The following CSMD3 variants were observed in gnomAD, a reference collection of about 807,000 sequenced individuals.
The protein encoded by CSMD3 is CUB and Sushi multiple domains 3, also known as CUB and sushi domain-containing protein 3.
Under a neutral mutation model 435.2 loss-of-function variants are expected in CSMD3, and 177 were observed. The observed-to-expected ratio is 0.41, with a 90% CI of 0.36 to 0.46. The LOEUF is 0.46. Ranked by LOEUF, CSMD3 falls within the 20% of genes least tolerant of loss-of-function variation. The pLI, the probability that CSMD3 is intolerant of heterozygous loss-of-function variation, is 0.34. For synonymous variants in CSMD3, 1,656 were observed against 1,520.5 expected, an observed-to-expected ratio of 1.09 and a Z score of -2.07; for missense variants, 4,265 against 4,504.6, an observed-to-expected ratio of 0.95 and a Z score of 1.52.
chr8:112,647,522 G>C (rs960050288), intron 19 of CSMD3, among the ~76,000 whole-genome samples: 61 of 152,128 alleles, frequency 4.0e-4, no homozygotes, highest in Admixed American at 1.6e-3. Flanking sequence ...TAGCCAGGAT[G>C]GTCTCGATCT....
chr8:113,256,510 T>C (rs1300876275), intron 3 of CSMD3, among the ~76,000 whole-genome samples: 1 of 152,200 alleles, frequency 6.6e-6, no homozygotes, highest in Non-Finnish European at 1.5e-5. Context: ...AAGTTATAAC[T>C]GAGTTTCTTC....
chr8:113,213,333 C>T (rs1391350282), intron 3 of CSMD3, among the ~76,000 whole-genome samples: 1 of 152,066 alleles, frequency 6.6e-6, no homozygotes, highest in Non-Finnish European at 1.5e-5. Context: ...CCAGCATGAA[C>T]ACAGTGTAAT....
chr8:112,266,895 A>G (rs1342875342), intron 59 of CSMD3, among the ~76,000 whole-genome samples: 2 of 152,136 alleles, frequency 1.3e-5, no homozygotes, highest in Non-Finnish European at 2.9e-5. Context: ...GTTACACTTT[A>G]TTTTCTGGAG....
intron 9 of CSMD3, among the ~76,000 whole-genome samples, chr8:112,935,064 T>C (rs2083238328): frequency 6.6e-6 from 1 of 152,156 alleles, no homozygotes; most frequent in Non-Finnish European, 1.5e-5. Flanking sequence ...TAAATTTATT[T>C]TGAGTTGATT....
At chr8:112,791,529 T>C (rs1279914488) in intron 13 of CSMD3, among the ~76,000 whole-genome samples, 1 of 152,136 alleles carries the variant, frequency 6.6e-6, no homozygotes, top group Non-Finnish European at 1.5e-5. Flanking sequence ...AGCATATTGA[T>C]ATTGATTTTC....
At chr8:112,974,695 C>A (rs2084781642) in intron 7 of CSMD3, among the ~76,000 whole-genome samples, 1 of 151,618 alleles carries the variant, frequency 6.6e-6, no homozygotes, top group Middle Eastern at 3.4e-3. Context: ...TAGAATGTGC[C>A]TCATTAAAGA....
intron 1 of CSMD3, among the ~76,000 whole-genome samples, chr8:113,330,810 A>G (rs1053626445): frequency 6.6e-6 from 1 of 151,918 alleles, no homozygotes; most frequent in African/African-American, 2.4e-5. Context: ...AGGGATAAGT[A>G]TATACTTCAA....
chr8:113,027,370 C>T (rs778589550), intron 5 of CSMD3, among the ~76,000 whole-genome samples: 5 of 151,964 alleles, frequency 3.3e-5, no homozygotes, highest in Non-Finnish European at 7.4e-5. Flanking sequence ...TTGTGTTGTG[C>T]GGGGTACTAA....
chr8:112,780,032 TCAC>T (rs2078343598), intron 13 of CSMD3, among the ~76,000 whole-genome samples: 1 of 152,142 alleles, frequency 6.6e-6, no homozygotes, highest in African/African-American at 2.4e-5. Flanking sequence ...TAATAAATAA[TCAC>T]CACTATATCA....
chr8:113,403,952 A>G (rs990879755), intron 1 of CSMD3, among the ~76,000 whole-genome samples: 2 of 151,434 alleles, frequency 1.3e-5, no homozygotes, highest in African/African-American at 4.8e-5. Context: ...GAAAAATTCA[A>G]CCACCAAAAT....
At chr8:112,986,105 A>G (rs543477795) in intron 6 of CSMD3, among the ~76,000 whole-genome samples, 7 of 152,302 alleles carry the variant, frequency 4.6e-5, no homozygotes, top group African/African-American at 1.4e-4. Context: ...GTATTTTGCA[A>G]TAGAGTTGCT....
intron 30 of CSMD3, among the ~76,000 whole-genome samples, chr8:112,501,395 G>GAA (rs753817533): frequency 9.8e-6 from 1 of 102,168 alleles, no homozygotes; most frequent in Non-Finnish European, 2.1e-5. Flanking sequence ...CCATCTCAAG[G>GAA]AAAAAAAAAA....
intron 3 of CSMD3, among the ~76,000 whole-genome samples, chr8:113,249,479 ATTTG>A (rs1473551933): frequency 2.6e-5 from 4 of 152,030 alleles, no homozygotes; most frequent in Admixed American, 1.3e-4. Context: ...AGTTTGAGGT[ATTTG>A]TTACAACAGT....
intron 6 of CSMD3, among the ~76,000 whole-genome samples, chr8:113,015,930 T>C (rs2086440323): frequency 6.6e-6 from 1 of 151,900 alleles, no homozygotes; most frequent in South Asian, 2.1e-4. Context: ...AGTTTTACTA[T>C]TTAGGTGAGA....
At chr8:112,451,740 A>G (rs1277507845) in intron 32 of CSMD3, among the ~76,000 whole-genome samples, 2 of 151,910 alleles carry the variant, frequency 1.3e-5, no homozygotes, top group African/African-American at 2.4e-5. Context: ...TTTTCTCCAC[A>G]TTGGTCAGGC....
intron 1 of CSMD3, among the ~76,000 whole-genome samples, chr8:113,330,136 G>A (rs980670102): frequency 5.9e-5 from 9 of 151,942 alleles, no homozygotes; most frequent in East Asian, 1.9e-4. Flanking sequence ...AGTTTACAAC[G>A]TATAAATATA....
chr8:112,292,613 C>A lies in CSMD3; in HGVS notation c.8712G>T (p.Gly2904=), dbSNP rs985510957. The stretch of plus-strand genomic sequence containing the variant: ...CCTTTGTTGGCCCTTGCATAAGATA[C>A]CCAATATTGCATGAGAATGTTACCA... ...NDVVTFSCNI[G]YLMQGPTKAQ... The change falls in exon 55 of 71, where the codon GGG becomes GGT. Residue 2904 remains glycine, a synonymous_variant. Coordinates refer to ENST00000297405, the MANE Select transcript of CSMD3 (RefSeq NM_198123.2). The A allele has an allele frequency of 2.5e-6, 4 of 1,613,692 alleles. No homozygotes were observed. Among genetic ancestry groups the A allele is most frequent in the African/African-American group, 2.7e-5 (2 of 74,968 alleles).
intron 52 of CSMD3, among the ~76,000 whole-genome samples, chr8:112,304,503 A>T (rs1027229082): frequency 1.3e-5 from 2 of 152,082 alleles, no homozygotes; most frequent in Non-Finnish European, 2.9e-5. Flanking sequence ...CAAACACTAG[A>T]TTTCTTAATC....
rs149652824 is a variant in CSMD3 at position 112,869,427 on chromosome 8, G to T, written c.1634-10161C>A. On this transcript the variant is annotated intron_variant, in intron 10 of 70. Transcript: ENST00000297405. Reference sequence around the variant, plus strand: ...TTTATTGATCAAATATTATTTCTGGGTATGAAAACAAATACAATCTCATAG... The same window carrying T: ...TTTATTGATCAAATATTATTTCTGGTTATGAAAACAAATACAATCTCATAG... Among the ~76,000 whole-genome samples the T allele has an allele frequency of 7.8e-3, 1,193 of 152,136 alleles. 6 individuals carry two copies. Among genetic ancestry groups the T allele is most frequent in the Admixed American group, 0.012 (181 of 15,278 alleles).
Sources: gnomAD v4.1 joint callset for allele counts (sites outside exome capture counted in the v4.1 genomes callset) on GRCh38, gnomAD v4.1.1 for gene constraint, MANE v1.5 for transcripts, NCBI Gene and HGNC (gene_info 2026-07-23, HGNC 2026-07-21) for gene names.